Variants in SHROOM4 observed in about 807,000 individuals in gnomAD.
SHROOM4 encodes protein Shroom4.
In SHROOM4, 17 loss-of-function variants were observed where a neutral mutation model predicts 80.3. The observed-to-expected ratio is 0.21, with a 90% CI of 0.14 to 0.32. SHROOM4 has a LOEUF of 0.32. Among genes scored for constraint, SHROOM4 ranks in the 10% least tolerant of loss-of-function variants. The probability of loss-of-function intolerance (pLI) is 1.00; values close to 1 mark genes in which losing one functional copy is unlikely to be tolerated. For synonymous variants in SHROOM4, 400 were observed against 437.5 expected (o/e 0.91, Z 1.07); for missense variants, 993 against 1,140.3 (o/e 0.87, Z 1.86).
At chrX:50,666,350 A>G (rs1557260359) in intron 2 of SHROOM4, among the ~76,000 whole-genome samples, 1 of 111,718 alleles carries the variant, frequency 9.0e-6, no homozygotes, top group Non-Finnish European at 1.9e-5. Context: ...GGGGAGGGGA[A>G]AAGAAATTAT....
chrX:50,601,182 A>G (rs1414841791), intron 7 of SHROOM4, among the ~76,000 whole-genome samples: 2 of 111,979 alleles, frequency 1.8e-5, no homozygotes, highest in Non-Finnish European at 3.8e-5. Context: ...TCTTCCTCAG[A>G]GACAAAAACT....
chrX:50,636,172 C>G (rs1162745995), intron 3 of SHROOM4, among the ~76,000 whole-genome samples: 1 of 110,532 alleles, frequency 9.0e-6, no homozygotes, highest in Non-Finnish European at 1.9e-5. Context: ...GTCACTTGTC[C>G]TCATCCTAGA....
the SHROOM4 span, among the ~76,000 whole-genome samples, chrX:50,577,722 A>C: frequency 8.9e-6 from 1 of 111,906 alleles, no homozygotes; most frequent in Non-Finnish European, 1.9e-5. Context: ...AAATATCTCC[A>C]ACCATAGTTA....
intron 1 of SHROOM4, among the ~76,000 whole-genome samples, chrX:50,782,472 A>G (rs1477979743): frequency 9.0e-6 from 1 of 111,557 alleles, no homozygotes; most frequent in Non-Finnish European, 1.9e-5. Flanking sequence ...TACTAGAAAC[A>G]TTATCCACAT....
chrX:50,578,283 C>T, the SHROOM4 span, among the ~76,000 whole-genome samples: 5 of 111,649 alleles, frequency 4.5e-5, no homozygotes, highest in South Asian at 3.7e-4. Context: ...TATATTCAGC[C>T]ATTTTTAAAT....
At chrX:50,684,603 T>G (rs1933023332) in intron 2 of SHROOM4, among the ~76,000 whole-genome samples, 1 of 111,624 alleles carries the variant, frequency 9.0e-6, no homozygotes, top group Admixed American at 9.5e-5. Context: ...GCACAATACC[T>G]AAAGATGACT....
At chrX:50,582,022 C>T (rs1239848510), downstream of SHROOM4, among the ~76,000 whole-genome samples, 1 of 111,917 alleles carries the variant, frequency 8.9e-6, no homozygotes, top group African/African-American at 3.2e-5. Flanking sequence ...GTATAATCCC[C>T]TCCCCTGGAG....
At chrX:50,664,278 C>T (rs1569547234) in intron 2 of SHROOM4, among the ~76,000 whole-genome samples, 1 of 112,272 alleles carries the variant, frequency 8.9e-6, no homozygotes, top group African/African-American at 3.2e-5. Flanking sequence ...TTCTCCACAA[C>T]ACAGATTTTT....
chrX:50,687,839 GACC>G (rs1262494686), intron 2 of SHROOM4, among the ~76,000 whole-genome samples: 2 of 109,767 alleles, frequency 1.8e-5, no homozygotes, highest in Non-Finnish European at 3.8e-5. Context: ...CAATTTAAGT[GACC>G]ACGAGAAATA....
chrX:50,750,279 A>C lies in SHROOM4; in HGVS notation c.118-54342T>G, dbSNP rs183329540. Among the ~76,000 whole-genome samples the C allele has an allele frequency of 1.0e-3, 113 of 111,619 alleles. No homozygotes were observed. The East Asian group carries it at 0.011, about 11-fold the overall frequency. Reference sequence around the variant, plus strand: ...AATCCTTACTCCTATTATTTTTTTGATACGGAGTCTCACTCTGTTGCCCAG... The same window carrying C: ...AATCCTTACTCCTATTATTTTTTTGCTACGGAGTCTCACTCTGTTGCCCAG... On this transcript the variant is annotated intron_variant, in intron 1 of 8. Transcript: ENST00000376020.
Position 50,598,428 on chromosome X carries a change from C to T in SHROOM4, c.4050G>A (p.Glu1350=), listed in dbSNP as rs782704374. ...NANSALGEEV[E]ANLKAVCKSN... The stretch of plus-strand genomic sequence containing the variant: ...ATTTGCAGACGGCTTTTAAGTTGGC[C>T]TCCACCTCCTCCCCAAGGGCAGAAT... Residue 1350 remains glutamate (E), a synonymous_variant, in exon 8 of 9, where the codon GAG becomes GAA. Transcript: ENST00000376020. 1.6e-5 allele frequency: 19 copies of T among 1,206,948 alleles called. No homozygotes were observed. Among genetic ancestry groups the T allele is most frequent in the Non-Finnish European group, 1.9e-5 (17 of 893,808 alleles).
chrX:50,660,093 T>C (rs994013462), intron 2 of SHROOM4, among the ~76,000 whole-genome samples: 20 of 112,175 alleles, frequency 1.8e-4, no homozygotes, highest in African/African-American at 6.5e-4. Context: ...ATATATTTTA[T>C]ATAAAGTCCT....
chrX:50,798,144 G>A lies in SHROOM4; in HGVS notation c.117+15758C>T, dbSNP rs1351317785. On this transcript the variant is annotated intron_variant, in intron 1 of 8. Coordinates refer to ENST00000376020, the MANE Select transcript of SHROOM4 (RefSeq NM_020717.5). ...TGTAGGGGCCGAGAGGGTCAAGTCT[G>A]GTTTTTTGTTTATTGCTTACTCCCC... Among the ~76,000 whole-genome samples, 4 of 110,701 alleles carry A rather than the reference G, an allele frequency of 3.6e-5. No homozygotes were observed. In the East Asian group the frequency reaches 1.1e-3, roughly 32 times the overall value.
At position 50,587,035 on chromosome X, in the gene SHROOM4, G is replaced by A. The variant is rs1928771265; in HGVS notation, c.*9660C>T. Among the ~76,000 whole-genome samples the A allele has an allele frequency of 1.8e-5, 2 of 111,866 alleles. No homozygotes were observed. The highest frequency in any genetic ancestry group is 7.4e-4 in the South Asian group (2 of 2,689). On this transcript the variant is annotated 3_prime_UTR_variant, in exon 9 of 9. Transcript: ENST00000376020. ...AGATCTCTAGATTTATACATCTTAT[G>A]TAGCTGCAACTTTGTAGCTTTGACC...
intron 2 of SHROOM4, among the ~76,000 whole-genome samples, chrX:50,695,336 T>G (rs1933342805): frequency 9.0e-6 from 1 of 111,625 alleles, no homozygotes; most frequent in African/African-American, 3.3e-5. Context: ...ATGTGTATAT[T>G]TTGTCCCCTG....
At chrX:50,700,622 C>G (rs982019703) in intron 1 of SHROOM4, among the ~76,000 whole-genome samples, 4 of 111,823 alleles carry the variant, frequency 3.6e-5, no homozygotes, top group Admixed American at 9.5e-5. Flanking sequence ...ATGGGAGATA[C>G]AGGCTTTCAA....
intron 1 of SHROOM4, among the ~76,000 whole-genome samples, chrX:50,792,603 C>T (rs1338888384): frequency 9.1e-6 from 1 of 109,770 alleles, no homozygotes; most frequent in African/African-American, 3.3e-5. Context: ...ATATAAGGAA[C>T]TTATACAACT....
chrX:50,714,364 G>T (rs1933895215), intron 1 of SHROOM4, among the ~76,000 whole-genome samples: 1 of 111,603 alleles, frequency 9.0e-6, no homozygotes, highest in South Asian at 3.7e-4. Context: ...AAAAATATTT[G>T]CAAACTATTC....
chrX:50,585,549 G>A (rs897890731), downstream of SHROOM4, among the ~76,000 whole-genome samples: 1 of 111,624 alleles, frequency 9.0e-6, no homozygotes. Context: ...CAAGAATCAG[G>A]ACTTCATCCT....
Sources: allele counts gnomAD v4.1 joint callset (sites outside exome capture counted in the v4.1 genomes callset), GRCh38; gene constraint gnomAD v4.1.1; transcripts MANE v1.5; gene names NCBI Gene and HGNC (gene_info 2026-07-23, HGNC 2026-07-21).